The following NOS1AP variants were observed in gnomAD, a reference collection of about 807,000 sequenced individuals.
The protein encoded by NOS1AP is carboxyl-terminal PDZ ligand of neuronal nitric oxide synthase protein.
NOS1AP carries 21 observed loss-of-function variants against 56.2 expected under a neutral mutation model. That is an observed-to-expected ratio of 0.37 (90% confidence interval 0.26 to 0.54). NOS1AP has a LOEUF of 0.54. NOS1AP is among the 20% of genes least tolerant of loss of function. NOS1AP has a pLI of 0.84. For missense variants in NOS1AP, 522 were observed against 657.8 expected, an observed-to-expected ratio of 0.79 and a Z score of 2.26; for synonymous variants, 270 against 274.6, an observed-to-expected ratio of 0.98 and a Z score of 0.17.
intron 1 of NOS1AP, among the ~76,000 whole-genome samples, chr1:162,086,160 A>G (rs903662494): frequency 2.0e-5 from 3 of 152,078 alleles, no homozygotes; most frequent in African/African-American, 7.2e-5. Flanking sequence ...GGCAGCTGTT[A>G]GTGGACTAGT....
chr1:162,071,658 C>T (rs1302493774), intron 1 of NOS1AP, among the ~76,000 whole-genome samples: 2 of 152,156 alleles, frequency 1.3e-5, no homozygotes, highest in Middle Eastern at 6.3e-3. Flanking sequence ...AAGATCTTAT[C>T]TTAGTTCTCT....
intron 2 of NOS1AP, among the ~76,000 whole-genome samples, chr1:162,187,164 G>A (rs1310568369): frequency 2.6e-5 from 4 of 151,940 alleles, no homozygotes; most frequent in South Asian, 2.1e-4. Flanking sequence ...ATGGGGTTTC[G>A]TCATGTTGCC....
At chr1:162,317,952 A>G (rs1656284978) in intron 4 of NOS1AP, among the ~76,000 whole-genome samples, 1 of 152,172 alleles carries the variant, frequency 6.6e-6, no homozygotes, top group Non-Finnish European at 1.5e-5. Context: ...TCGCAGGGAA[A>G]GGCTTAGCTA....
intron 2 of NOS1AP, among the ~76,000 whole-genome samples, chr1:162,269,841 A>G (rs1338790719): frequency 6.7e-6 from 1 of 149,734 alleles, no homozygotes; most frequent in Non-Finnish European, 1.5e-5. Context: ...TGATTTCCTA[A>G]AAGTTGTTAA....
chr1:162,233,760 C>T (rs1653199983), intron 2 of NOS1AP, among the ~76,000 whole-genome samples: 1 of 152,190 alleles, frequency 6.6e-6, no homozygotes, highest in Admixed American at 6.5e-5. Context: ...CAAAACTTTG[C>T]TTTGTGGCCA....
intron 1 of NOS1AP, among the ~76,000 whole-genome samples, chr1:162,119,158 G>C (rs1227755586): frequency 6.6e-6 from 1 of 152,142 alleles, no homozygotes. Flanking sequence ...ATAGTTTCCT[G>C]TCATAATAAC....
chr1:162,088,936 A>G (rs1692066043), intron 1 of NOS1AP, among the ~76,000 whole-genome samples: 1 of 152,128 alleles, frequency 6.6e-6, no homozygotes, highest in Non-Finnish European at 1.5e-5. Flanking sequence ...CTCTTTTGGT[A>G]TCAGGGATTT....
intron 1 of NOS1AP, among the ~76,000 whole-genome samples, chr1:162,128,334 G>A (rs1648581307): frequency 6.6e-6 from 1 of 151,716 alleles, no homozygotes; most frequent in Non-Finnish European, 1.5e-5. Context: ...TATGCACTTG[G>A]GTTTTTAAAA....
chr1:162,272,902 C>T lies in NOS1AP; in HGVS notation c.178-14442C>T, dbSNP rs576629807. On this transcript the variant is annotated intron_variant, in intron 2 of 9. Transcript: ENST00000361897. ...GGCCTCACTGCAGCTCCCATTATTCCATTATTCCTCCAATAATGGAATAAT... is the reference window on the plus strand; with the variant it reads ...GGCCTCACTGCAGCTCCCATTATTCTATTATTCCTCCAATAATGGAATAAT... Among the ~76,000 whole-genome samples, 255 of 152,250 alleles carry T rather than the reference C, an allele frequency of 1.7e-3. 3 individuals are homozygous for T. Among genetic ancestry groups the T allele is most frequent in the Middle Eastern group, 0.01 (3 of 294 alleles).
At chr1:162,286,621 G>A (rs1026805893) in intron 2 of NOS1AP, among the ~76,000 whole-genome samples, 1 of 152,230 alleles carries the variant, frequency 6.6e-6, no homozygotes, top group Admixed American at 6.5e-5. Context: ...ACATCCATCA[G>A]CAGTATGGGT....
At chr1:162,353,094 G>A (rs558528682) in intron 6 of NOS1AP, among the ~76,000 whole-genome samples, 59 of 131,746 alleles carry the variant, frequency 4.5e-4, no homozygotes, top group African/African-American at 1.5e-3. Flanking sequence ...ACGATCCTTC[G>A]AATCCATCTC....
chr1:162,095,088 G>A (rs573004110), intron 1 of NOS1AP, among the ~76,000 whole-genome samples: 3 of 152,316 alleles, frequency 2.0e-5, no homozygotes, highest in Non-Finnish European at 2.9e-5. Flanking sequence ...AGTTATAGGA[G>A]CTGTGGCATC....
At chr1:162,250,408 G>A (rs1015984740) in intron 2 of NOS1AP, among the ~76,000 whole-genome samples, 1 of 152,216 alleles carries the variant, frequency 6.6e-6, no homozygotes, top group Non-Finnish European at 1.5e-5. Context: ...TTAGGAGAGA[G>A]ATTGTTTTAG....
At chr1:162,317,832 C>T (rs1656280018) in intron 4 of NOS1AP, 1 of 152,230 alleles carries the variant, frequency 6.6e-6, no homozygotes, top group Non-Finnish European at 1.5e-5. Flanking sequence ...AGGTCTGGGG[C>T]AGTTACAACA....
intron 1 of NOS1AP, among the ~76,000 whole-genome samples, chr1:162,115,803 C>T (rs530613502): frequency 7.2e-5 from 11 of 152,168 alleles, no homozygotes; most frequent in African/African-American, 2.2e-4. Context: ...AGTTTTATCC[C>T]GGGTGAGGTC....
At chr1:162,201,914 T>A (rs1471615803) in intron 2 of NOS1AP, among the ~76,000 whole-genome samples, 1 of 152,232 alleles carries the variant, frequency 6.6e-6, no homozygotes, top group African/African-American at 2.4e-5. Flanking sequence ...GTTTACTTTG[T>A]TGATAGTTTC....
intron 2 of NOS1AP, among the ~76,000 whole-genome samples, chr1:162,177,963 T>C (rs1033344598): frequency 6.6e-6 from 1 of 152,196 alleles, no homozygotes; most frequent in South Asian, 2.1e-4. Context: ...TACAGAATAG[T>C]TTCACTGCCA....
intron 2 of NOS1AP, among the ~76,000 whole-genome samples, chr1:162,284,429 T>C (rs778621347): frequency 7.2e-5 from 11 of 152,222 alleles, no homozygotes; most frequent in Non-Finnish European, 1.6e-4. Context: ...CAGGCAGTTC[T>C]GGCAGCCGTG....
At chr1:162,326,753 A>G (rs548607558) in intron 4 of NOS1AP, among the ~76,000 whole-genome samples, 2 of 152,282 alleles carry the variant, frequency 1.3e-5, no homozygotes, top group Non-Finnish European at 2.9e-5. Flanking sequence ...GCTCAAAGCA[A>G]TCAGGCAGGA....
Sources: allele counts gnomAD v4.1 joint callset (sites outside exome capture counted in the v4.1 genomes callset), GRCh38; gene constraint gnomAD v4.1.1; transcripts MANE v1.5; gene names NCBI Gene and HGNC (gene_info 2026-07-23, HGNC 2026-07-21).